LRRC18: variants seen among roughly 807,000 people sequenced by gnomAD.
LRRC18 encodes the protein leucine rich repeat containing 18.
In LRRC18, 12 loss-of-function variants were observed where a neutral mutation model predicts 11.2. The ratio of observed to expected loss-of-function variants is 1.07; its 90% CI spans 0.69 to 1.74. The LOEUF is 1.74. Ranked by LOEUF, LRRC18 falls within the 40% of genes most tolerant of loss-of-function variation. LRRC18 has a pLI of 0.00. For synonymous variants in LRRC18, 155 were observed against 130.6 expected, an observed-to-expected ratio of 1.19 and a Z score of -1.27; for missense variants, 374 against 330.5, an observed-to-expected ratio of 1.13 and a Z score of -1.02.
the LRRC18 span, among the ~76,000 whole-genome samples, chr10:48,938,041 C>T: frequency 2.0e-5 from 3 of 152,256 alleles, no homozygotes; most frequent in African/African-American, 4.8e-5. Flanking sequence ...ATAGCCCACA[C>T]GCATCAGCAG....
chr10:48,937,549 A>T, the LRRC18 span, among the ~76,000 whole-genome samples: 1 of 152,150 alleles, frequency 6.6e-6, no homozygotes, highest in Non-Finnish European at 1.5e-5. Flanking sequence ...CCATATCTTC[A>T]TCTGTTAATG....
chr10:48,913,773 A>G, exon 1 of LRRC18: 1 of 1,614,074 alleles, frequency 6.2e-7, no homozygotes, highest in Admixed American at 1.7e-5. Flanking sequence ...GTTCAAGCCT[A>G]GGTTCACAGC....
the LRRC18 span, among the ~76,000 whole-genome samples, chr10:48,919,534 T>A: frequency 6.6e-6 from 1 of 152,200 alleles, no homozygotes; most frequent in Non-Finnish European, 1.5e-5. Flanking sequence ...CAACATAAAT[T>A]TATCTCTCAC....
chr10:48,935,903 C>CTT, the LRRC18 span, among the ~76,000 whole-genome samples: 57,106 of 149,240 alleles, frequency 0.38, 13,052 homozygotes, highest in Non-Finnish European at 0.51. Flanking sequence ...CATCTATGGT[C>CTT]TTTTTTTTTT....
chr10:48,910,384 A>AT, intron 1 of LRRC18, 126 bp from the exon 4 acceptor site: 1 of 799,768 alleles, frequency 1.3e-6, no homozygotes. Flanking sequence ...GGTTAGTGTG[A>AT]ATGGGGGTTT....
At chr10:48,936,538 G>A in the LRRC18 span, among the ~76,000 whole-genome samples, 1 of 152,088 alleles carries the variant, frequency 6.6e-6, no homozygotes, top group African/African-American at 2.4e-5. Flanking sequence ...AAAACCGTAT[G>A]AAAATTAAAA....
chr10:48,927,430 C>G, the LRRC18 span, among the ~76,000 whole-genome samples: 3 of 152,190 alleles, frequency 2.0e-5, no homozygotes, highest in Admixed American at 6.5e-5. Flanking sequence ...CTGCCTTATT[C>G]CAGCACTTCT....
At chr10:48,938,445 C>T in the LRRC18 span, among the ~76,000 whole-genome samples, 1 of 152,250 alleles carries the variant, frequency 6.6e-6, no homozygotes, top group Non-Finnish European at 1.5e-5. Flanking sequence ...TCTAACCCAC[C>T]ATATCTGGAG....
the LRRC18 span, among the ~76,000 whole-genome samples, chr10:48,926,958 G>A: frequency 1.1e-4 from 17 of 152,214 alleles, no homozygotes; most frequent in African/African-American, 3.9e-4. Context: ...AGTCAAGAGT[G>A]TGAAGACACA....
chr10:48,921,834 A>T, the LRRC18 span, among the ~76,000 whole-genome samples: 2 of 152,180 alleles, frequency 1.3e-5, no homozygotes, highest in South Asian at 4.1e-4. Context: ...TGGCAAGGAG[A>T]TGCTGCAACT....
At chr10:48,933,824 T>A in the LRRC18 span, among the ~76,000 whole-genome samples, 1 of 152,064 alleles carries the variant, frequency 6.6e-6, no homozygotes, top group African/African-American at 2.4e-5. Context: ...CCTGGAAACA[T>A]CATCTAGCTT....
chr10:48,928,318 G>A, the LRRC18 span, among the ~76,000 whole-genome samples: 1 of 151,624 alleles, frequency 6.6e-6, no homozygotes, highest in African/African-American at 2.4e-5. Context: ...GGTCAGGGGA[G>A]GGCAATGCGT....
chr10:48,933,746 T>C, the LRRC18 span, among the ~76,000 whole-genome samples: 1 of 152,132 alleles, frequency 6.6e-6, no homozygotes. Flanking sequence ...GAGTTGGCGA[T>C]GGGGCTGGCA....
intron 1 of LRRC18, among the ~76,000 whole-genome samples, chr10:48,911,709 A>G (rs1048084082): frequency 5.3e-5 from 8 of 152,262 alleles, no homozygotes; most frequent in African/African-American, 1.7e-4. Context: ...GAACTCTGCC[A>G]GCATTGCAGC....
the LRRC18 span, among the ~76,000 whole-genome samples, chr10:48,928,676 A>G: frequency 1.3e-5 from 2 of 152,072 alleles, no homozygotes; most frequent in Non-Finnish European, 2.9e-5. Flanking sequence ...CACACCCTCT[A>G]GTTCTGGTGA....
At chr10:48,917,035 C>A (rs542744036), upstream of LRRC18, among the ~76,000 whole-genome samples, 14 of 152,226 alleles carry the variant, frequency 9.2e-5, no homozygotes, top group South Asian at 8.3e-4. Context: ...CAAATACTTA[C>A]CCTTGTGTTA....
chr10:48,915,849 C>T (rs1838477837), upstream of LRRC18, among the ~76,000 whole-genome samples: 1 of 152,156 alleles, frequency 6.6e-6, no homozygotes, highest in Non-Finnish European at 1.5e-5. Context: ...TGTAAGCTGA[C>T]CCTAGTCTTT....
At chr10:48,921,946 C>T in the LRRC18 span, among the ~76,000 whole-genome samples, 1 of 152,176 alleles carries the variant, frequency 6.6e-6, no homozygotes, top group Non-Finnish European at 1.5e-5. Context: ...ATTATATCAT[C>T]TGGCATTTTC....
At chr10:48,919,983 T>G in the LRRC18 span, among the ~76,000 whole-genome samples, 1 of 152,182 alleles carries the variant, frequency 6.6e-6, no homozygotes, top group Non-Finnish European at 1.5e-5. Flanking sequence ...ATATTCTTCA[T>G]GAACATAGTT....
Sources: allele counts gnomAD v4.1 joint callset (sites outside exome capture counted in the v4.1 genomes callset), GRCh38; gene constraint gnomAD v4.1.1; transcripts MANE v1.5; gene names NCBI Gene and HGNC (gene_info 2026-07-23, HGNC 2026-07-21).